INHBE: variants seen among roughly 807,000 people sequenced by gnomAD.
INHBE encodes inhibin subunit beta E, also known as inhibin beta E chain.
Under a neutral mutation model 27.8 loss-of-function variants are expected in INHBE, and 19 were observed. The ratio of observed to expected loss-of-function variants is 0.68; its 90% CI spans 0.48 to 1.00. The LOEUF is 1.00. INHBE is among the 50% of genes least tolerant of loss of function. The pLI, the probability that INHBE is intolerant of heterozygous loss-of-function variation, is 0.00. For synonymous variants in INHBE, 196 were observed against 187.2 expected (o/e 1.05, Z -0.38); for missense variants, 398 against 433.9 (o/e 0.92, Z 0.73).
Position 57,456,468 on chromosome 12 carries a change from G to A in INHBE, c.673G>A (p.Ala225Thr). ...QQPFLELKIR[A>T]NEPGAGRARR... The stretch of plus-strand genomic sequence containing the variant: ...GCCCTTCCTAGAGCTTAAGATCCGA[G>A]CCAATGAGCCTGGAGCAGGCCGGGC... The change falls in exon 2 of 2, where the codon GCC (alanine) becomes ACC (threonine). Residue 225 changes from alanine (A) to threonine (T), a missense_variant. Coordinates refer to ENST00000266646, the MANE Select transcript of INHBE (RefSeq NM_031479.5). The A allele has an allele frequency of 6.2e-7, 1 of 1,614,120 alleles. No homozygotes were observed. The highest frequency in any genetic ancestry group is 8.5e-7 in the Non-Finnish European group (1 of 1,180,028).
rs1870822162 is a variant in INHBE at position 57,456,099 on chromosome 12, A to T, written c.304A>T (p.Thr102Ser). ...CTTTTCTGTCTTTCGGGCAGACTCC[A>T]CTTCAGCCTACAGCTCCCTGCTCAC... ...VISFATVTDS[T>S]SAYSSLLTFH... The change falls in exon 2 of 2, where the codon ACT becomes TCT. Residue 102 changes from threonine (T) to serine (S), a missense_variant. By Grantham distance (58) the Thr-to-Ser change is moderately conservative. Coordinates refer to ENST00000266646, the MANE Select transcript of INHBE (RefSeq NM_031479.5). The T allele has an allele frequency of 1.9e-6, 3 of 1,606,524 alleles. No individual in the cohort carries two copies. Among genetic ancestry groups the T allele is most frequent in the Admixed American group, 1.7e-5 (1 of 59,468 alleles).
Position 57,456,766 on chromosome 12 carries a change from C to G in INHBE, c.971C>G (p.Ser324Cys), listed in dbSNP as rs1350720481. 3.1e-6 allele frequency: 5 copies of G among 1,614,126 alleles called. No individual in the cohort carries two copies. The highest frequency in any genetic ancestry group is 1.7e-5 in the Admixed American group (1 of 60,006). ...CCVPTARRPL[S>C]LLYLDHNGNV... Reference sequence around the variant, plus strand: ...GTCCCTACTGCCCGAAGGCCCCTCTCTCTCCTCTACCTGGATCATAATGGC... The same window carrying G: ...GTCCCTACTGCCCGAAGGCCCCTCTGTCTCCTCTACCTGGATCATAATGGC... The change falls in exon 2 of 2, where the codon TCT becomes TGT. Residue 324 changes from serine to cysteine, a missense_variant. Physicochemically the swap from Ser to Cys is moderately radical, Grantham distance 112. Coordinates refer to ENST00000266646, the MANE Select transcript of INHBE (RefSeq NM_031479.5).
At position 57,456,449 on chromosome 12, in the gene INHBE, C is replaced by T; in HGVS notation, c.654C>T (p.Phe218=). The part of the protein sequence containing the change: ...LLDTAGHQQP[F]LELKIRANEP... ...ACACAGCAGGACACCAGCAGCCCTT[C>T]CTAGAGCTTAAGATCCGAGCCAATG... is the stretch of plus-strand genomic sequence containing the variant. Residue 218 remains phenylalanine, a synonymous_variant, in exon 2 of 2, where the codon TTC becomes TTT. Transcript: ENST00000266646. The T allele has an allele frequency of 2.5e-6, 4 of 1,614,124 alleles. No homozygotes were observed. The highest frequency in any genetic ancestry group is 3.4e-6 in the Non-Finnish European group (4 of 1,180,026).
In INHBE at chr12:57,456,542, G is replaced by C. The variant is rs1309368626; in HGVS notation, c.747G>C (p.Arg249Ser). 6.2e-7 allele frequency: 1 copy of C among 1,614,192 alleles called. No homozygotes were observed. Among genetic ancestry groups the C allele is most frequent in the Admixed American group, 1.7e-5 (1 of 60,016 alleles). The change falls in exon 2 of 2, where the codon AGG (arginine) becomes AGC (serine). Residue 249 changes from arginine (R) to serine (S), a missense_variant. Coordinates refer to ENST00000266646, the MANE Select transcript of INHBE (RefSeq NM_031479.5). ...TCEPATPLCC[R>S]RDHYVDFQEL... is the part of the protein sequence containing the mutation. ...AGCCTGCGACCCCCTTATGTTGCAGGCGAGACCATTACGTAGACTTCCAGG... is the reference window on the plus strand; with the variant it reads ...AGCCTGCGACCCCCTTATGTTGCAGCCGAGACCATTACGTAGACTTCCAGG...
rs1195523258 is a variant in INHBE, at chr12:57,456,509, C to T, written c.714C>T (p.Pro238=). 6.2e-7 allele frequency: 1 copy of T among 1,614,040 alleles called. No homozygotes were observed. The highest frequency in any genetic ancestry group is 2.2e-5 in the East Asian group (1 of 44,892). Reference sequence around the variant, plus strand: ...CAGGCCGGGCCAGGAGGAGGACCCCCACCTGTGAGCCTGCGACCCCCTTAT... The same window carrying T: ...CAGGCCGGGCCAGGAGGAGGACCCCTACCTGTGAGCCTGCGACCCCCTTAT... ...PGAGRARRRT[P]TCEPATPLCC... The change falls in exon 2 of 2, where the codon CCC becomes CCT. Residue 238 remains proline, a synonymous_variant. Transcript: ENST00000266646.
In INHBE at chr12:57,456,301, A is replaced by G; in HGVS notation, c.506A>G (p.His169Arg). 1.2e-6 allele frequency: 2 copies of G among 1,614,152 alleles called. No individual in the cohort carries two copies. Among genetic ancestry groups the G allele is most frequent in the Admixed American group, 1.7e-5 (1 of 60,020 alleles). Residue 169 changes from histidine (H) to arginine (R), a missense_variant, in exon 2 of 2, where the codon CAT becomes CGT. Transcript: ENST00000266646. ...AEHHITNLGW[H>R]TLTLPSSGLR... Reference sequence around the variant, plus strand: ...CACCACATCACCAACCTGGGCTGGCATACCTTAACTCTGCCCTCTAGTGGC... The same window carrying G: ...CACCACATCACCAACCTGGGCTGGCGTACCTTAACTCTGCCCTCTAGTGGC...
At position 57,456,365 on chromosome 12, in the gene INHBE, A is replaced by G. The variant is rs760088387; in HGVS notation, c.570A>G (p.Leu190=). 9.9e-6 allele frequency: 16 copies of G among 1,614,000 alleles called. 1 individual carries two copies. In the Admixed American group the frequency reaches 2.3e-4, roughly 24 times the overall value. ...GEKSGVLKLQ[L]DCRPLEGNST... ...AGTCTGGTGTCCTGAAACTGCAACT[A>G]GACTGCAGACCCCTAGAAGGCAACA... is the stretch of plus-strand genomic sequence containing the variant. The change falls in exon 2 of 2, where the codon CTA becomes CTG. Residue 190 remains leucine, a synonymous_variant. Transcript: ENST00000266646.
Position 57,455,453 on chromosome 12 carries a change from C to G in INHBE, c.-84C>G. 1.7e-4 allele frequency: 220 copies of G among 1,279,654 alleles called. No individual in the cohort carries two copies. The highest frequency in any genetic ancestry group is 2.8e-4 in the Middle Eastern group (1 of 3,624). The allele number at this position is 1,279,654 out of a possible 1,614,324, so 79.3% of individuals were successfully genotyped here. On this transcript the variant is annotated 5_prime_UTR_variant, in exon 1 of 2. Transcript: ENST00000266646. Reference sequence around the variant, plus strand: ...GGCAGTGGTGTCTGCTGTCACTGTGCCCTCATTGGCCCCCAGCAATCAGAC... The same window carrying G: ...GGCAGTGGTGTCTGCTGTCACTGTGGCCTCATTGGCCCCCAGCAATCAGAC...
In INHBE at chr12:57,457,883, C is replaced by G. The variant is rs1028517227; in HGVS notation, c.*1035C>G. 1.3e-5 allele frequency: 2 copies of G among 152,148 alleles called. No individual in the cohort carries two copies. The highest frequency in any genetic ancestry group is 1.5e-5 in the Non-Finnish European group (1 of 68,024). 9.4% of individuals were successfully genotyped at this position (152,148 alleles called of 1,614,324 possible). Reference sequence around the variant, plus strand: ...TTCAGGGGTGTCCACAAAGTCAAAGCTATTTTCATAATAATACTAACATGT... The same window carrying G: ...TTCAGGGGTGTCCACAAAGTCAAAGGTATTTTCATAATAATACTAACATGT... On this transcript the variant is annotated 3_prime_UTR_variant, in exon 2 of 2. Coordinates refer to ENST00000266646, the MANE Select transcript of INHBE (RefSeq NM_031479.5).
Position 57,456,684 on chromosome 12 carries a change from G to T in INHBE, c.889G>T (p.Ala297Ser). Residue 297 changes from alanine to serine, a missense_variant, in exon 2 of 2, where the codon GCC becomes TCC. Ala to Ser is a moderately conservative substitution (Grantham distance 99). Transcript: ENST00000266646. ...AGGCATTGCTGCCTCTTTCCATTCT[G>T]CCGTCTTCAGCCTCCTCAAAGCCAA... ...SPGIAASFHS[A>S]VFSLLKANNP... 1.2e-6 allele frequency: 2 copies of T among 1,614,172 alleles called. No individual in the cohort carries two copies. The highest frequency in any genetic ancestry group is 1.7e-6 in the Non-Finnish European group (2 of 1,180,032).
rs377350183 is a variant in INHBE at position 57,456,806 on chromosome 12, G to T, written c.1011G>T (p.Thr337=). ...ATCATAATGGCAATGTGGTCAAGAC[G>T]GATGTGCCAGATATGGTGGTGGAGG... ...YLDHNGNVVK[T]DVPDMVVEAC... is the part of the protein sequence containing the mutation. The change falls in exon 2 of 2, where the codon ACG becomes ACT. Residue 337 remains threonine (T), a synonymous_variant. Coordinates refer to ENST00000266646, the MANE Select transcript of INHBE (RefSeq NM_031479.5). 1.9e-6 allele frequency: 3 copies of T among 1,613,974 alleles called. No homozygotes were observed. Among genetic ancestry groups the T allele is most frequent in the Admixed American group, 3.3e-5 (2 of 60,004 alleles).
chr12:57,455,849 G>T lies in INHBE; in HGVS notation c.298+15G>T, dbSNP rs759402059. On this transcript the variant is annotated intron_variant, in intron 1 of 1. Transcript: ENST00000266646. The stretch of plus-strand genomic sequence containing the variant: ...TACTGTCACAGGTGGGTGAGGGAGA[G>T]AGCAACAGGCAAAGAGCAGACAGGG... 3.1e-6 allele frequency: 5 copies of T among 1,610,328 alleles called. No homozygotes were observed. The Admixed American group carries it at 8.3e-5, about 27-fold the overall frequency.
At position 57,456,386 on chromosome 12, in the gene INHBE, C is replaced by T. The variant is rs75198130; in HGVS notation, c.591C>T (p.Gly197=). 24 of 1,614,122 alleles carry T rather than the reference C, an allele frequency of 1.5e-5. No homozygotes were observed. The highest frequency in any genetic ancestry group is 1.5e-5 in the Non-Finnish European group (18 of 1,180,014). The change falls in exon 2 of 2, where the codon GGC becomes GGT. Residue 197 remains glycine, a synonymous_variant. Transcript: ENST00000266646. ...AACTAGACTGCAGACCCCTAGAAGGCAACAGCACAGTTACTGGACAACCGA... is the reference window on the plus strand; with the variant it reads ...AACTAGACTGCAGACCCCTAGAAGGTAACAGCACAGTTACTGGACAACCGA... The part of the protein sequence containing the change: ...KLQLDCRPLE[G]NSTVTGQPRR...
rs1269488027 is a variant in INHBE at position 57,456,408 on chromosome 12, C to T, written c.613C>T (p.Pro205Ser). 6.2e-7 allele frequency: 1 copy of T among 1,614,132 alleles called. No individual in the cohort carries two copies. Among genetic ancestry groups the T allele is most frequent in the Non-Finnish European group, 8.5e-7 (1 of 1,180,016 alleles). ...AGGCAACAGCACAGTTACTGGACAA[C>T]CGAGGCGGCTCTTGGACACAGCAGG... Reference protein sequence around the residue: ...LEGNSTVTGQPRRLLDTAGHQ... With the variant: ...LEGNSTVTGQSRRLLDTAGHQ... The change falls in exon 2 of 2, where the codon CCG (proline) becomes TCG (serine). Residue 205 changes from proline to serine, a missense_variant. Coordinates refer to ENST00000266646, the MANE Select transcript of INHBE (RefSeq NM_031479.5).
chr12:57,457,019 A>T lies in INHBE; in HGVS notation c.*171A>T, dbSNP rs1213418280. 5.9e-6 allele frequency: 4 copies of T among 673,002 alleles called. No individual in the cohort carries two copies. The highest frequency in any genetic ancestry group is 1.8e-5 in the African/African-American group (1 of 55,254). 41.7% of individuals were successfully genotyped at this position (673,002 alleles called of 1,614,324 possible). A position where few individuals can be genotyped will look rare whatever the true frequency, so the allele number is the denominator to read the frequency against. ...CCAAATGGGCACTTTCTTGTCTGAG[A>T]CTCTGGCTTATTCCAGGTTGGCTGA... is the stretch of plus-strand genomic sequence containing the variant. On this transcript the variant is annotated 3_prime_UTR_variant, in exon 2 of 2. Coordinates refer to ENST00000266646, the MANE Select transcript of INHBE (RefSeq NM_031479.5).
chr12:57,456,057 A>C (rs1870820735), intron 1 of INHBE, 37 bp from the exon 2 acceptor site: 1 of 1,573,988 alleles, frequency 6.4e-7, no homozygotes, highest in Non-Finnish European at 8.6e-7. Context: ...CTTCATCTCT[A>C]CTCACATTTT....
Position 57,455,765 on chromosome 12 carries a change from C to T in INHBE, c.229C>T (p.Arg77Trp), listed in dbSNP as rs183609767. The change falls in exon 1 of 2, where the codon CGG (arginine) becomes TGG (tryptophan). Residue 77 changes from arginine to tryptophan, a missense_variant. Physicochemically the swap from Arg to Trp is moderately radical, Grantham distance 101. Transcript: ENST00000266646. ...CCAGGCAGCGCTGACCAGAGCCCTC[C>T]GGAGACTACAGCCAGGGAGTGTGGC... is the stretch of plus-strand genomic sequence containing the variant. ...PPQAALTRAL[R>W]RLQPGSVAPG... is the part of the protein sequence containing the mutation. The T allele has an allele frequency of 1.3e-4, 202 of 1,614,016 alleles. No homozygotes were observed. The highest frequency in any genetic ancestry group is 2.1e-4 in the African/African-American group (16 of 75,050).
rs1258739897 is a variant in INHBE, at chr12:57,456,540, A to T, written c.745A>T (p.Arg249Trp). ...TGAGCCTGCGACCCCCTTATGTTGC[A>T]GGCGAGACCATTACGTAGACTTCCA... ...TCEPATPLCC[R>W]RDHYVDFQEL... The change falls in exon 2 of 2, where the codon AGG (arginine) becomes TGG (tryptophan). Residue 249 changes from arginine to tryptophan, a missense_variant. Coordinates refer to ENST00000266646, the MANE Select transcript of INHBE (RefSeq NM_031479.5). 6.2e-7 allele frequency: 1 copy of T among 1,614,066 alleles called. No individual in the cohort carries two copies. The highest frequency in any genetic ancestry group is 1.3e-5 in the African/African-American group (1 of 74,936).
At position 57,457,905 on chromosome 12, in the gene INHBE, A is replaced by G. The variant is rs1003610832; in HGVS notation, c.*1057A>G. The G allele has an allele frequency of 3.9e-5, 6 of 152,142 alleles. No individual in the cohort carries two copies. Among genetic ancestry groups the G allele is most frequent in the Non-Finnish European group, 7.4e-5 (5 of 68,026 alleles). 9.4% of individuals were successfully genotyped at this position (152,142 alleles called of 1,614,324 possible). On this transcript the variant is annotated 3_prime_UTR_variant, in exon 2 of 2. Transcript: ENST00000266646. Reference sequence around the variant, plus strand: ...AAGCTATTTTCATAATAATACTAACATGTTATTTGCCTTTTGAATTCTCAT... The same window carrying G: ...AAGCTATTTTCATAATAATACTAACGTGTTATTTGCCTTTTGAATTCTCAT...
Sources: allele counts gnomAD v4.1 joint callset, GRCh38; gene constraint gnomAD v4.1.1; transcripts MANE v1.5; gene names NCBI Gene and HGNC (gene_info 2026-07-23, HGNC 2026-07-21).